Variants in DNAH14 observed in about 807,000 individuals in gnomAD.
The protein encoded by DNAH14 is dynein axonemal heavy chain 14, also known as axonemal beta dynein heavy chain 14.
Under a neutral mutation model 520.9 loss-of-function variants are expected in DNAH14, and 478 were observed. That is an observed-to-expected ratio of 0.92 (90% CI 0.85 to 0.99). The LOEUF (loss-of-function observed/expected upper bound fraction) is 0.99. Among genes scored for constraint, DNAH14 ranks in the 50% least tolerant of loss-of-function variants. The probability of loss-of-function intolerance (pLI) is 0.00; values close to 1 mark genes in which losing one functional copy is unlikely to be tolerated. For synonymous variants in DNAH14, 1,581 were observed against 1,757.2 expected (o/e 0.90, Z 2.51); for missense variants, 4,831 against 5,234.5 (o/e 0.92, Z 2.38).
chr1:225,212,325 T>C (rs2088570458), intron 41 of DNAH14, among the ~76,000 whole-genome samples: 1 of 152,128 alleles, frequency 6.6e-6, no homozygotes, highest in Non-Finnish European at 1.5e-5. Flanking sequence ...TTTGGGTTGG[T>C]TCCAACTCTT....
At position 225,303,152 on chromosome 1, in the gene DNAH14, T is replaced by C; in HGVS notation, c.8632-4T>C. ...TAACAATTTATATTTTCATTAATTT[T>C]CAGAGAATATATAAAAATCTTCATA... On this transcript the variant is annotated splice_region_variant and splice_polypyrimidine_tract_variant and intron_variant, in intron 56 of 85. Coordinates refer to ENST00000682510, the MANE Select transcript of DNAH14 (RefSeq NM_001367479.1). 6.9e-7 allele frequency: 1 copy of C among 1,458,958 alleles called. No individual in the cohort carries two copies. The highest frequency in any genetic ancestry group is 9.1e-7 in the Non-Finnish European group (1 of 1,096,400). 90.4% of individuals were successfully genotyped at this position (1,458,958 alleles called of 1,614,324 possible).
intron 75 of DNAH14, among the ~76,000 whole-genome samples, chr1:225,363,535 T>A (rs1191414605): frequency 6.6e-6 from 1 of 152,138 alleles, no homozygotes; most frequent in Non-Finnish European, 1.5e-5. Context: ...ATACCCTAAA[T>A]CTCCTTTAAT....
intron 17 of DNAH14, among the ~76,000 whole-genome samples, chr1:225,054,886 T>A (rs927079376): frequency 6.6e-6 from 1 of 152,156 alleles, no homozygotes; most frequent in Non-Finnish European, 1.5e-5. Flanking sequence ...GAATTTTGTT[T>A]TATAACTCAG....
At chr1:225,323,420 C>T (rs2094590883) in intron 62 of DNAH14, among the ~76,000 whole-genome samples, 1 of 152,108 alleles carries the variant, frequency 6.6e-6, no homozygotes, top group East Asian at 1.9e-4. Context: ...AGGATGTTAA[C>T]AAAGGCTTTT....
At chr1:225,068,022 C>A (rs895138666) in intron 17 of DNAH14, among the ~76,000 whole-genome samples, 1 of 152,108 alleles carries the variant, frequency 6.6e-6, no homozygotes, top group African/African-American at 2.4e-5. Context: ...AATCTTTGCC[C>A]ATGCCTATGT....
chr1:225,304,758 T>G (rs988340744), intron 57 of DNAH14, 150 bp from the exon 58 acceptor site: 17 of 729,274 alleles, frequency 2.3e-5, no homozygotes, highest in Middle Eastern at 4.0e-4. Flanking sequence ...AAACTCATAT[T>G]TTCTTTGTCC....
chr1:225,079,663 A>G (rs1314984787), intron 18 of DNAH14, 115 bp downstream of exon 18: 7 of 664,232 alleles, frequency 1.1e-5, no homozygotes, highest in African/African-American at 3.9e-5. Context: ...ATAGTTTAAT[A>G]CAAGTATTCT....
chr1:224,960,100 GTAT>G, intron 3 of DNAH14, 50 bp from the exon 4 acceptor site: 1 of 1,466,174 alleles, frequency 6.8e-7, no homozygotes. Flanking sequence ...AATTACTATG[GTAT>G]TATTTACAGC....
intron 60 of DNAH14, among the ~76,000 whole-genome samples, chr1:225,312,718 A>G (rs2094392819): frequency 6.6e-6 from 1 of 152,100 alleles, no homozygotes; most frequent in Non-Finnish European, 1.5e-5. Flanking sequence ...GGTTTTTGTT[A>G]TTAGTTCTGT....
chr1:225,296,512 T>G (rs1477959764), intron 55 of DNAH14, among the ~76,000 whole-genome samples: 4 of 151,408 alleles, frequency 2.6e-5, no homozygotes, highest in African/African-American at 7.3e-5. Context: ...GTGGGTGGTT[T>G]TTTTTTTTTT....
chr1:225,277,983 A>G (rs189160237), intron 54 of DNAH14, among the ~76,000 whole-genome samples: 24 of 152,188 alleles, frequency 1.6e-4, no homozygotes, highest in African/African-American at 5.5e-4. Context: ...TTTTTATTTA[A>G]TTTATTATTT....
chr1:225,377,340 A>G lies in DNAH14; in HGVS notation c.12620A>G (p.Glu4207Gly). The change falls in exon 79 of 86, where the codon GAG becomes GGG. Residue 4207 changes from glutamate to glycine, a missense_variant. By Grantham distance (98) the Glu-to-Gly change is moderately conservative (BLOSUM62 -2). Transcript: ENST00000682510. ...DLPEVLGIHP[E>G]AIRSCWETQG... is the part of the protein sequence containing the mutation. ...CCCGAGGTCTTAGGAATACACCCAG[A>G]GGCCATCAGGAGCTGCTGGGAGACC... The G allele has an allele frequency of 6.4e-7, 1 of 1,551,046 alleles. No individual in the cohort carries two copies. Among genetic ancestry groups the G allele is most frequent in the Non-Finnish European group, 8.7e-7 (1 of 1,146,688 alleles).
chr1:225,313,868 G>A (rs528901274), intron 60 of DNAH14, among the ~76,000 whole-genome samples: 5 of 152,116 alleles, frequency 3.3e-5, no homozygotes, highest in East Asian at 3.9e-4. Flanking sequence ...TTATGTGATC[G>A]ATTTTAGAAT....
rs3128652 is a variant in DNAH14, at chr1:225,080,644, G to A, written c.3032G>A (p.Arg1011Gln). Residue 1011 changes from arginine to glutamine, a missense_variant, in exon 19 of 86, where the codon CGA becomes CAA. Coordinates refer to ENST00000682510, the MANE Select transcript of DNAH14 (RefSeq NM_001367479.1). ...TGGGAAGCACAAGAGGAGTGGAAGC[G>A]AGCCTCTTGGGAATGGAGGAATAGT... ...KLWEAQEEWK[R>Q]ASWEWRNSSL... The A allele has an allele frequency of 0.92, 1,423,730 of 1,551,374 alleles. 663,935 individuals are homozygous for A. The highest frequency in any genetic ancestry group is 0.96 in the Non-Finnish European group (1,102,741 of 1,146,846).
intron 27 of DNAH14, among the ~76,000 whole-genome samples, chr1:225,125,170 A>G (rs1050526320): frequency 1.3e-5 from 2 of 152,230 alleles, no homozygotes; most frequent in Admixed American, 1.3e-4. Context: ...TTAAGCATAC[A>G]TAATTCTTAA....
At chr1:225,033,809 GTATTT>G (rs1458614486) in intron 11 of DNAH14, among the ~76,000 whole-genome samples, 2 of 152,022 alleles carry the variant, frequency 1.3e-5, no homozygotes, top group African/African-American at 4.8e-5. Context: ...GTATTTCTAA[GTATTT>G]TATTCTTTTT....
intron 76 of DNAH14, among the ~76,000 whole-genome samples, chr1:225,366,223 G>A (rs1395324946): frequency 1.3e-5 from 2 of 152,084 alleles, no homozygotes; most frequent in Admixed American, 1.3e-4. Context: ...ATGCTGACAA[G>A]GTAATATCAG....
At chr1:224,955,740 T>C (rs1049771707) in intron 3 of DNAH14, among the ~76,000 whole-genome samples, 1 of 152,194 alleles carries the variant, frequency 6.6e-6, no homozygotes, top group Non-Finnish European at 1.5e-5. Context: ...CATAGGAAGT[T>C]GGGGTCCATC....
intron 1 of DNAH14, among the ~76,000 whole-genome samples, chr1:224,950,238 GTTA>G (rs1223930342): frequency 3.9e-5 from 6 of 151,962 alleles, no homozygotes; most frequent in African/African-American, 1.4e-4. Context: ...GTTTAATGCT[GTTA>G]TTATTATTTT....
Sources: gnomAD v4.1 joint callset for allele counts (sites outside exome capture counted in the v4.1 genomes callset) on GRCh38, gnomAD v4.1.1 for gene constraint, MANE v1.5 for transcripts, NCBI Gene and HGNC (gene_info 2026-07-23, HGNC 2026-07-21) for gene names.